Variants in VRK2 observed in about 807,000 individuals in gnomAD.
VRK2 encodes serine/threonine-protein kinase VRK2.
Under a neutral mutation model 57.6 loss-of-function variants are expected in VRK2, and 60 were observed. That is an observed-to-expected ratio of 1.04 (90% CI 0.85 to 1.29). VRK2 has a LOEUF of 1.29. Among genes scored for constraint, VRK2 ranks in the 50% most tolerant of loss-of-function variants. The pLI, the probability that VRK2 is intolerant of heterozygous loss-of-function variation, is 0.00. For missense variants in VRK2, 705 were observed against 588.1 expected, an observed-to-expected ratio of 1.20 and a Z score of -2.06; for synonymous variants, 231 against 199.2, an observed-to-expected ratio of 1.16 and a Z score of -1.35.
At chr2:57,979,624 C>T (rs1181821772) in intron 1 of VRK2, among the ~76,000 whole-genome samples, 1 of 145,062 alleles carries the variant, frequency 6.9e-6, no homozygotes, top group Non-Finnish European at 1.5e-5. Context: ...AGCACCCTCT[C>T]TTCTTTATAT....
chr2:58,158,413 T>A (rs758206131), intron 12 of VRK2, among the ~76,000 whole-genome samples: 13 of 152,176 alleles, frequency 8.5e-5, no homozygotes, highest in Non-Finnish European at 1.5e-4. Flanking sequence ...TCCTTTGTTT[T>A]ATGTAGGACT....
At chr2:58,043,821 G>C (rs914023403), upstream of VRK2, among the ~76,000 whole-genome samples, 9 of 152,174 alleles carry the variant, frequency 5.9e-5, no homozygotes, top group Non-Finnish European at 1.2e-4. Context: ...TTTCCAGAGT[G>C]GCTGTACCAT....
chr2:57,908,570 A>G (rs1480505003), intron 1 of VRK2, among the ~76,000 whole-genome samples: 7 of 152,150 alleles, frequency 4.6e-5, no homozygotes, highest in Admixed American at 4.6e-4. Flanking sequence ...CAATCCTCCA[A>G]AATGTCTGAA....
chr2:58,103,575 G>A (rs923006171), intron 7 of VRK2, among the ~76,000 whole-genome samples: 1 of 151,236 alleles, frequency 6.6e-6, no homozygotes, highest in African/African-American at 2.4e-5. Flanking sequence ...AGACCAATAC[G>A]AAAGTAGCGA....
chr2:58,090,763 C>T (rs1262114964), intron 7 of VRK2, among the ~76,000 whole-genome samples: 1 of 152,184 alleles, frequency 6.6e-6, no homozygotes, highest in Non-Finnish European at 1.5e-5. Flanking sequence ...CACGTGAATG[C>T]TTGTAGTCGG....
chr2:57,915,439 T>C (rs1670114813), intron 1 of VRK2, among the ~76,000 whole-genome samples: 1 of 152,150 alleles, frequency 6.6e-6, no homozygotes, highest in Non-Finnish European at 1.5e-5. Context: ...CCATCACATA[T>C]TTAAAGAAAT....
intron 1 of VRK2, among the ~76,000 whole-genome samples, chr2:57,939,917 T>C (rs1671038464): frequency 6.6e-6 from 1 of 152,206 alleles, no homozygotes; most frequent in Non-Finnish European, 1.5e-5. Context: ...TTTCATTAAT[T>C]AGTAAAGATG....
At chr2:58,115,697 C>A (rs139568572) in intron 7 of VRK2, among the ~76,000 whole-genome samples, 16 of 152,160 alleles carry the variant, frequency 1.1e-4, no homozygotes, top group Non-Finnish European at 2.2e-4. Context: ...GGGAGAGCAC[C>A]TGTGTTTTTA....
At chr2:57,912,049 A>G (rs1210737624) in intron 1 of VRK2, among the ~76,000 whole-genome samples, 1 of 152,258 alleles carries the variant, frequency 6.6e-6, no homozygotes, top group Non-Finnish European at 1.5e-5. Flanking sequence ...GGCTGGATTT[A>G]CAATACAAAA....
Position 58,146,430 on chromosome 2 carries a change from A to T in VRK2, c.1138A>T (p.Lys380Ter), listed in dbSNP as rs1183898557. 6.2e-7 allele frequency: 1 copy of T among 1,611,718 alleles called. No homozygotes were observed. Residue 380 changes from lysine to a stop codon, truncating the protein, a stop_gained, in exon 12 of 13, where the codon AAA becomes TAA. Coordinates refer to ENST00000340157, the MANE Select transcript of VRK2 (RefSeq NM_006296.7). LOFTEE classifies it low-confidence loss of function (END_TRUNC). ...GTCCTGTGCAACATGGAAAGTGCAG[A>T]AAGAGGAGAAACTGATTGGATTGAT... The part of the protein sequence containing the change: ...AESCATWKVQ[K>*]EEKLIGLMNN...
chr2:58,048,330 C>A (rs1675178994), intron 1 of VRK2, among the ~76,000 whole-genome samples: 1 of 152,172 alleles, frequency 6.6e-6, no homozygotes, highest in Admixed American at 6.5e-5. Flanking sequence ...CAAATGTTTA[C>A]TGAGTACCTA....
intron 2 of VRK2, among the ~76,000 whole-genome samples, chr2:58,068,630 T>A (rs76011073): frequency 0.019 from 2,912 of 152,218 alleles, 106 homozygotes; most frequent in African/African-American, 0.068. Context: ...ACAAGCTTCC[T>A]TCTCTTCTGG....
chr2:58,124,727 A>G lies in VRK2; in HGVS notation c.676+1494A>G, dbSNP rs777542508. ...ACCCATACTAGCTTAAGGTAGGCCAATGCAAAAGTAAAACAAGTATAACTT... is the reference window on the plus strand; with the variant it reads ...ACCCATACTAGCTTAAGGTAGGCCAGTGCAAAAGTAAAACAAGTATAACTT... On this transcript the variant is annotated intron_variant, in intron 8 of 12. Coordinates refer to ENST00000340157, the MANE Select transcript of VRK2 (RefSeq NM_006296.7). 3.9e-5 allele frequency among the ~76,000 whole-genome samples: 6 copies of G among 152,200 alleles called. 1 individual carries two copies. The highest frequency in any genetic ancestry group is 3.3e-4 in the Admixed American group (5 of 15,280).
At chr2:58,144,463 A>T (rs1236782152) in intron 11 of VRK2, among the ~76,000 whole-genome samples, 3 of 152,038 alleles carry the variant, frequency 2.0e-5, no homozygotes, top group African/African-American at 4.8e-5. Context: ...TTCATTTTGC[A>T]ATGTATACAT....
At chr2:58,085,862 A>G (rs1294493192) in intron 4 of VRK2, among the ~76,000 whole-genome samples, 1 of 151,712 alleles carries the variant, frequency 6.6e-6, no homozygotes, top group Non-Finnish European at 1.5e-5. Flanking sequence ...AAACTAATCA[A>G]AACCAGTTTT....
intron 2 of VRK2, among the ~76,000 whole-genome samples, chr2:58,069,076 A>G (rs757283149): frequency 3.9e-5 from 6 of 152,120 alleles, no homozygotes; most frequent in Non-Finnish European, 7.4e-5. Context: ...TTGTATGCCT[A>G]GTAACTCTGA....
At chr2:58,012,711 A>G (rs1200249062) in intron 1 of VRK2, among the ~76,000 whole-genome samples, 1 of 152,194 alleles carries the variant, frequency 6.6e-6, no homozygotes, top group African/African-American at 2.4e-5. Flanking sequence ...AACAAAATAC[A>G]CACCAGACAC....
chr2:58,010,568 G>A (rs185452434), intron 1 of VRK2, among the ~76,000 whole-genome samples: 8 of 152,192 alleles, frequency 5.3e-5, no homozygotes, highest in Non-Finnish European at 8.8e-5. Context: ...GGGAAAAACC[G>A]TGACTCTTTT....
chr2:58,070,468 C>CATA (rs1460790250), intron 2 of VRK2, among the ~76,000 whole-genome samples: 1 of 152,048 alleles, frequency 6.6e-6, no homozygotes, highest in Non-Finnish European at 1.5e-5. Flanking sequence ...CCTGTTTATT[C>CATA]GTCTTCCTCC....
Sources: allele counts gnomAD v4.1 joint callset (sites outside exome capture counted in the v4.1 genomes callset), GRCh38; gene constraint gnomAD v4.1.1; transcripts MANE v1.5; gene names NCBI Gene and HGNC (gene_info 2026-07-23, HGNC 2026-07-21).